The following CRACD variants were observed in gnomAD, a reference collection of about 807,000 sequenced individuals.
The protein encoded by CRACD is capping protein inhibiting regulator of actin dynamics.
Under a neutral mutation model 106.8 loss-of-function variants are expected in CRACD, and 56 were observed. That is an observed-to-expected ratio of 0.52 (90% CI 0.42 to 0.66). The LOEUF is 0.66. CRACD is among the 30% of genes least tolerant of loss of function. CRACD has a pLI of 0.00. For synonymous variants in CRACD, 754 were observed against 670.8 expected (o/e 1.12, Z -1.92); for missense variants, 1,730 against 1,623.2 (o/e 1.07, Z -1.13).
chr4:56,218,126 C>T (rs757151532), intron 2 of CRACD, among the ~76,000 whole-genome samples: 1 of 152,118 alleles, frequency 6.6e-6, no homozygotes, highest in Admixed American at 6.6e-5. Flanking sequence ...CCTACTGACC[C>T]CATTTTAACT....
chr4:56,255,613 A>G lies in CRACD; in HGVS notation c.-188-16708A>G, dbSNP rs57265044. Among the ~76,000 whole-genome samples, 832 of 152,298 alleles carry G rather than the reference A, an allele frequency of 5.5e-3. 7 individuals are homozygous for G. The highest frequency in any genetic ancestry group is 0.019 in the African/African-American group (777 of 41,546). ...AAAGTAACAATTACATATTGGTAAGACCTGTACTGGCCAAAAGATGAGAAA... is the reference window on the plus strand; with the variant it reads ...AAAGTAACAATTACATATTGGTAAGGCCTGTACTGGCCAAAAGATGAGAAA... On this transcript the variant is annotated intron_variant, in intron 2 of 10. Transcript: ENST00000682029.
At chr4:56,056,826 A>G (rs1732088450) in intron 1 of CRACD, among the ~76,000 whole-genome samples, 1 of 152,096 alleles carries the variant, frequency 6.6e-6, no homozygotes, top group South Asian at 2.1e-4. Context: ...TAATCCCAAC[A>G]CTTTAGGAGG....
chr4:56,248,164 CAGG>C (rs1560501369), intron 2 of CRACD, among the ~76,000 whole-genome samples: 1 of 152,154 alleles, frequency 6.6e-6, no homozygotes, highest in Admixed American at 6.6e-5. Flanking sequence ...ACTGAAGAAT[CAGG>C]AGTGTTACAG....
At chr4:56,146,673 T>C (rs1202289800) in intron 1 of CRACD, among the ~76,000 whole-genome samples, 1 of 151,556 alleles carries the variant, frequency 6.6e-6, no homozygotes, top group Non-Finnish European at 1.5e-5. Flanking sequence ...CATTTACATA[T>C]ATTTGACAAT....
chr4:56,077,248 A>T (rs748998477), intron 1 of CRACD, among the ~76,000 whole-genome samples: 1 of 152,226 alleles, frequency 6.6e-6, no homozygotes, highest in Non-Finnish European at 1.5e-5. Context: ...GAGAGAATTA[A>T]TGCCAGCAGG....
At chr4:56,204,815 G>A (rs1419229665) in intron 2 of CRACD, among the ~76,000 whole-genome samples, 2 of 152,170 alleles carry the variant, frequency 1.3e-5, no homozygotes, top group African/African-American at 4.8e-5. Context: ...GAGAAGAAAA[G>A]AAGTAAAGTC....
chr4:56,196,868 C>T (rs1398561552), intron 2 of CRACD, among the ~76,000 whole-genome samples: 3 of 152,052 alleles, frequency 2.0e-5, no homozygotes, highest in East Asian at 1.9e-4. Flanking sequence ...AGAGGGCCAT[C>T]GAGAGGGACA....
At chr4:56,270,112 A>C (rs1212267378) in intron 2 of CRACD, among the ~76,000 whole-genome samples, 3 of 152,108 alleles carry the variant, frequency 2.0e-5, no homozygotes, top group Non-Finnish European at 4.4e-5. Context: ...ATGTTCCCAG[A>C]TGATTGTCTT....
rs912116642 is a variant in CRACD at position 56,169,670 on chromosome 4, T to C, written c.-335-9614T>C. Reference sequence around the variant, plus strand: ...CACCACCACACCCAGCTAATTTTTGTATTTTTTTGTAGAGACGGGGTTTTG... The same window carrying C: ...CACCACCACACCCAGCTAATTTTTGCATTTTTTTGTAGAGACGGGGTTTTG... On this transcript the variant is annotated intron_variant, in intron 1 of 10. Coordinates refer to ENST00000682029, the MANE Select transcript of CRACD (RefSeq NM_001393381.1). Among the ~76,000 whole-genome samples the C allele has an allele frequency of 7.2e-5, 11 of 152,282 alleles. No homozygotes were observed. In the East Asian group the frequency reaches 1.7e-3, roughly 24 times the overall value.
intron 1 of CRACD, among the ~76,000 whole-genome samples, chr4:56,142,874 C>T (rs1228914465): frequency 3.3e-5 from 5 of 151,994 alleles, no homozygotes; most frequent in Admixed American, 6.6e-5. Context: ...TTGTGTATTT[C>T]CTAACATGCC....
intron 8 of CRACD, 45 bp downstream of exon 8, chr4:56,316,734 G>C (rs1267821765): frequency 1.3e-6 from 2 of 1,498,430 alleles, no homozygotes; most frequent in African/African-American, 2.9e-5. Context: ...CGAGGTGTCA[G>C]AGCCAGGGCA....
chr4:56,121,945 A>G (rs1299474432), intron 1 of CRACD, among the ~76,000 whole-genome samples: 2 of 152,212 alleles, frequency 1.3e-5, no homozygotes, highest in African/African-American at 4.8e-5. Context: ...TATCATGGAC[A>G]TTGTTTTCTA....
At chr4:56,320,485 T>A (rs1364533488) in intron 8 of CRACD, among the ~76,000 whole-genome samples, 1 of 152,248 alleles carries the variant, frequency 6.6e-6, no homozygotes, top group East Asian at 1.9e-4. Context: ...TTTTACTGTG[T>A]TTGGATGATT....
intron 1 of CRACD, among the ~76,000 whole-genome samples, chr4:56,128,799 T>TA (rs1411264362): frequency 3.9e-5 from 6 of 151,932 alleles, no homozygotes; most frequent in Non-Finnish European, 5.9e-5. Flanking sequence ...TACATTAAAA[T>TA]AAAAAATCAA....
chr4:56,280,262 G>A (rs1742957794), intron 3 of CRACD, among the ~76,000 whole-genome samples: 1 of 151,686 alleles, frequency 6.6e-6, no homozygotes, highest in African/African-American at 2.4e-5. Flanking sequence ...CGTGCACGTT[G>A]TGCACATGTA....
At chr4:56,317,491 T>C (rs1274724409) in intron 8 of CRACD, among the ~76,000 whole-genome samples, 2 of 152,156 alleles carry the variant, frequency 1.3e-5, no homozygotes, top group South Asian at 2.1e-4. Flanking sequence ...GCCTTTTCGG[T>C]TGGCAATAGA....
chr4:56,321,669 T>C (rs899090775), intron 8 of CRACD, among the ~76,000 whole-genome samples: 1 of 152,242 alleles, frequency 6.6e-6, no homozygotes, highest in African/African-American at 2.4e-5. Context: ...TTTGAGGTGA[T>C]GAATTCTTTT....
At chr4:56,188,219 TATC>T (rs1204194851) in intron 2 of CRACD, among the ~76,000 whole-genome samples, 10 of 152,202 alleles carry the variant, frequency 6.6e-5, no homozygotes, top group Non-Finnish European at 1.0e-4. Flanking sequence ...CAAAAATCGA[TATC>T]ATTTTATTTT....
chr4:56,156,471 G>A (rs1735767768), intron 1 of CRACD, among the ~76,000 whole-genome samples: 1 of 152,234 alleles, frequency 6.6e-6, no homozygotes, highest in Non-Finnish European at 1.5e-5. Context: ...TCTGAATAAT[G>A]AGAATCAGAA....
Sources: gnomAD v4.1 joint callset for allele counts (sites outside exome capture counted in the v4.1 genomes callset) on GRCh38, gnomAD v4.1.1 for gene constraint, MANE v1.5 for transcripts, NCBI Gene and HGNC (gene_info 2026-07-23, HGNC 2026-07-21) for gene names.